The following CDKL5 variants were observed in gnomAD, a reference collection of about 807,000 sequenced individuals.
CDKL5 encodes the protein cyclin dependent kinase like 5.
In CDKL5, 8 loss-of-function variants were observed where a neutral mutation model predicts 61.7. The observed-to-expected ratio is 0.13, with a 90% confidence interval of 0.08 to 0.23. CDKL5 has a LOEUF of 0.23. Ranked by LOEUF, CDKL5 falls within the 10% of genes least tolerant of loss-of-function variation. CDKL5 has a pLI of 1.00. For missense variants in CDKL5, 440 were observed against 734.5 expected, an observed-to-expected ratio of 0.60 and a Z score of 4.63; for synonymous variants, 275 against 272.3, an observed-to-expected ratio of 1.01 and a Z score of -0.10.
chrX:18,651,995 G>A (rs1304416290), intron 21 of CDKL5, among the ~76,000 whole-genome samples: 2 of 109,608 alleles, frequency 1.8e-5, no homozygotes, highest in Non-Finnish European at 3.8e-5. Context: ...TGCCCGCCCT[G>A]AGCTGGCTGA....
chrX:18,569,637 A>G (rs1379448147), intron 4 of CDKL5, among the ~76,000 whole-genome samples: 1 of 112,284 alleles, frequency 8.9e-6, no homozygotes, highest in Non-Finnish European at 1.9e-5. Flanking sequence ...TTTAGATTAT[A>G]TAGCTTTGGA....
chrX:18,548,304 T>C lies in CDKL5; in HGVS notation c.100-16173T>C, dbSNP rs754447275. On this transcript the variant is annotated intron_variant, in intron 3 of 17. Coordinates refer to ENST00000623535, the MANE Select transcript of CDKL5 (RefSeq NM_001323289.2). ...CCAGATTATCTGAAGAGAAACCTTA[T>C]TATATTTTACACATAGCTCTTTGAA... 3.6e-5 allele frequency among the ~76,000 whole-genome samples: 4 copies of C among 111,107 alleles called. No homozygotes were observed. The East Asian group carries it at 1.1e-3, about 32-fold the overall frequency.
At chrX:18,528,595 T>G (rs767351403) in intron 3 of CDKL5, among the ~76,000 whole-genome samples, 1 of 110,152 alleles carries the variant, frequency 9.1e-6, no homozygotes, top group South Asian at 3.9e-4. Context: ...CCTCTCTCTC[T>G]CTCTCTCTCT....
At chrX:18,518,028 G>A (rs1424824874) in intron 3 of CDKL5, among the ~76,000 whole-genome samples, 3 of 111,290 alleles carry the variant, frequency 2.7e-5, no homozygotes, top group Admixed American at 9.6e-5. Flanking sequence ...GTAGTACGTC[G>A]TGATCTATTT....
At chrX:18,531,739 G>C (rs1473167082) in intron 3 of CDKL5, among the ~76,000 whole-genome samples, 1 of 103,307 alleles carries the variant, frequency 9.7e-6, no homozygotes, top group African/African-American at 3.8e-5. Context: ...TCGCTCTGTC[G>C]CCCAGGCCGG....
chrX:18,642,540 T>C (rs1378546974), downstream of CDKL5, among the ~76,000 whole-genome samples: 1 of 112,078 alleles, frequency 8.9e-6, no homozygotes, highest in African/African-American at 3.2e-5. Context: ...GCCACTTGAC[T>C]CATCGCTTTT....
At chrX:18,641,128 C>A (rs1038054158), downstream of CDKL5, 2 of 112,390 alleles carry the variant, frequency 1.8e-5, no homozygotes, top group African/African-American at 6.5e-5. Context: ...GCCAGCTGTT[C>A]TCGAACTATG....
At chrX:18,589,679 A>G (rs1925764808) in intron 9 of CDKL5, 1 of 111,833 alleles carries the variant, frequency 8.9e-6, no homozygotes, top group Non-Finnish European at 1.9e-5. Flanking sequence ...GTCAAATGGT[A>G]TTTCTAGTTC....
intron 4 of CDKL5, among the ~76,000 whole-genome samples, chrX:18,573,165 G>T (rs1178382321): frequency 9.0e-6 from 1 of 111,238 alleles, no homozygotes; most frequent in Non-Finnish European, 1.9e-5. Flanking sequence ...TGGAGGTGAG[G>T]GAGAGGGACA....
intron 3 of CDKL5, among the ~76,000 whole-genome samples, chrX:18,528,990 G>A (rs1488528929): frequency 9.1e-6 from 1 of 110,158 alleles, no homozygotes; most frequent in Non-Finnish European, 1.9e-5. Context: ...TTTAACTGGT[G>A]TATTGAGGCC....
intron 3 of CDKL5, among the ~76,000 whole-genome samples, chrX:18,547,259 G>A (rs1003946325): frequency 5.3e-5 from 6 of 112,183 alleles, no homozygotes; most frequent in Non-Finnish European, 7.5e-5. Flanking sequence ...AAATGATTAG[G>A]TGTGACATGA....
In CDKL5 at chrX:18,609,454, T is replaced by C; in HGVS notation, c.2047-11T>C. 1 of 1,211,687 alleles carries C rather than the reference T, an allele frequency of 8.3e-7. No homozygotes were observed. On this transcript the variant is annotated splice_polypyrimidine_tract_variant and intron_variant, in intron 13 of 17. Coordinates refer to ENST00000623535, the MANE Select transcript of CDKL5 (RefSeq NM_001323289.2). ...GTGGCTTAACTTTTATAAATTTCTTTCCTGCCTCAGGGTGGAGTGTATCAT... is the reference window on the plus strand; with the variant it reads ...GTGGCTTAACTTTTATAAATTTCTTCCCTGCCTCAGGGTGGAGTGTATCAT...
intron 5 of CDKL5, among the ~76,000 whole-genome samples, chrX:18,579,061 G>A (rs770210573): frequency 1.8e-5 from 2 of 110,845 alleles, no homozygotes; most frequent in Admixed American, 9.7e-5. Flanking sequence ...TGGGCCCTCC[G>A]CAAGATCTGA....
intron 11 of CDKL5, among the ~76,000 whole-genome samples, chrX:18,603,277 T>G (rs768257598): frequency 3.6e-5 from 4 of 112,056 alleles, no homozygotes; most frequent in Non-Finnish European, 7.5e-5. Flanking sequence ...ACATAAACAT[T>G]GATCATCATG....
At chrX:18,470,563 A>G (rs1171381874) in intron 1 of CDKL5, among the ~76,000 whole-genome samples, 1 of 110,825 alleles carries the variant, frequency 9.0e-6, no homozygotes, top group African/African-American at 3.3e-5. Flanking sequence ...GAATTTGGTC[A>G]GAGAAATAGA....
intron 15 of CDKL5, 143 bp downstream of exon 15, chrX:18,613,418 G>T: frequency 1.9e-6 from 1 of 535,885 alleles, no homozygotes; most frequent in Non-Finnish European, 2.9e-6. Flanking sequence ...AGGAAAATGT[G>T]ATTTTTCATT....
intron 4 of CDKL5, among the ~76,000 whole-genome samples, 192 bp downstream of exon 4, chrX:18,564,714 C>A (rs751441352): frequency 5.4e-5 from 6 of 110,341 alleles, no homozygotes; most frequent in Non-Finnish European, 9.5e-5. Context: ...ACATTTAGTT[C>A]CTTTTATGTG....
chrX:18,508,520 A>G (rs1922668197), intron 2 of CDKL5, among the ~76,000 whole-genome samples: 1 of 111,487 alleles, frequency 9.0e-6, no homozygotes, highest in Non-Finnish European at 1.9e-5. Flanking sequence ...TTAGAGACCA[A>G]TGCAATAAAG....
chrX:18,596,554 A>G (rs1006736277), intron 10 of CDKL5, among the ~76,000 whole-genome samples: 12 of 112,153 alleles, frequency 1.1e-4, no homozygotes, highest in African/African-American at 3.9e-4. Context: ...GAGAAATGCT[A>G]CTGGCAAAAA....
Sources: gnomAD v4.1 joint callset for allele counts (sites outside exome capture counted in the v4.1 genomes callset) on GRCh38, gnomAD v4.1.1 for gene constraint, MANE v1.5 for transcripts, NCBI Gene and HGNC (gene_info 2026-07-23, HGNC 2026-07-21) for gene names.